The following GRM8 variants were observed in gnomAD, a reference collection of about 807,000 sequenced individuals.
The protein encoded by GRM8 is metabotropic glutamate receptor 8.
In GRM8, 47 loss-of-function variants were observed where a neutral mutation model predicts 87.2. That is an observed-to-expected ratio of 0.54 (90% confidence interval 0.43 to 0.69). The LOEUF (loss-of-function observed/expected upper bound fraction) is 0.69, where lower values mean the gene tolerates loss of function less well. Among genes scored for constraint, GRM8 ranks in the 30% least tolerant of loss-of-function variants. The pLI, the probability that GRM8 is intolerant of heterozygous loss-of-function variation, is 0.00. For missense variants in GRM8, 1,019 were observed against 1,139.2 expected (o/e 0.89, Z 1.52); for synonymous variants, 396 against 404.5 (o/e 0.98, Z 0.25).
chr7:127,207,446 C>T (rs1443393356), intron 2 of GRM8, among the ~76,000 whole-genome samples: 1 of 152,054 alleles, frequency 6.6e-6, no homozygotes, highest in Non-Finnish European at 1.5e-5. Flanking sequence ...GGCAATGAGC[C>T]AAGTACCAAT....
At chr7:126,727,381 T>C (rs1813112142) in intron 7 of GRM8, among the ~76,000 whole-genome samples, 1 of 152,042 alleles carries the variant, frequency 6.6e-6, no homozygotes, top group African/African-American at 2.4e-5. Flanking sequence ...CAGAATAATG[T>C]AAGATTTTTA....
At chr7:126,506,004 C>T (rs1810409200) in intron 9 of GRM8, among the ~76,000 whole-genome samples, 1 of 152,002 alleles carries the variant, frequency 6.6e-6, no homozygotes, top group Non-Finnish European at 1.5e-5. Context: ...CTCTCCTCCT[C>T]CTAGCCCCTG....
chr7:127,200,031 C>A (rs972716991), intron 2 of GRM8, among the ~76,000 whole-genome samples: 6 of 152,014 alleles, frequency 3.9e-5, no homozygotes, highest in African/African-American at 1.5e-4. Context: ...TGGACTAACC[C>A]AAAATTGTTT....
rs140053615 is a variant in GRM8 at position 126,982,507 on chromosome 7, T to C, written c.728-77824A>G. 7.0e-3 allele frequency among the ~76,000 whole-genome samples: 1,064 copies of C among 152,280 alleles called. 4 individuals are homozygous for C. The highest frequency in any genetic ancestry group is 0.01 in the Non-Finnish European group (683 of 68,022). On this transcript the variant is annotated intron_variant, in intron 3 of 10. Coordinates refer to ENST00000339582, the MANE Select transcript of GRM8 (RefSeq NM_000845.3). ...ATAATTACACCTAATATAATACAAC[T>C]ATCCTTTATACAACTAGAAACGCAC...
intron 7 of GRM8, among the ~76,000 whole-genome samples, chr7:126,712,167 T>C (rs1183125462): frequency 1.3e-5 from 2 of 152,166 alleles, no homozygotes; most frequent in Non-Finnish European, 2.9e-5. Flanking sequence ...TTAGAAGTCA[T>C]TGTAGGGTTA....
At chr7:127,240,476 T>C (rs1798229458) in intron 2 of GRM8, among the ~76,000 whole-genome samples, 1 of 150,724 alleles carries the variant, frequency 6.6e-6, no homozygotes, top group Admixed American at 6.6e-5. Context: ...ATGAATACCT[T>C]ATCTCCTCCA....
At chr7:126,648,223 C>T (rs1015221547) in intron 7 of GRM8, among the ~76,000 whole-genome samples, 2 of 152,126 alleles carry the variant, frequency 1.3e-5, no homozygotes, top group African/African-American at 2.4e-5. Flanking sequence ...GTCCTTATTA[C>T]ACTCTCTCAA....
intron 3 of GRM8, among the ~76,000 whole-genome samples, chr7:127,066,847 A>T (rs1014517886): frequency 1.3e-5 from 2 of 152,128 alleles, no homozygotes; most frequent in African/African-American, 2.4e-5. Flanking sequence ...TTCTTCGATT[A>T]GATGAATCAT....
intron 2 of GRM8, among the ~76,000 whole-genome samples, chr7:127,178,303 A>T (rs1465995046): frequency 6.6e-6 from 1 of 152,174 alleles, no homozygotes; most frequent in Admixed American, 6.5e-5. Context: ...AAAAAGACAA[A>T]GAAAAAGAAT....
chr7:126,491,115 C>A (rs1433397103), intron 9 of GRM8, among the ~76,000 whole-genome samples: 1 of 152,022 alleles, frequency 6.6e-6, no homozygotes, highest in Non-Finnish European at 1.5e-5. Context: ...ACCCTATCCA[C>A]CATGATGTCT....
At chr7:127,053,540 G>A (rs775154588) in intron 3 of GRM8, among the ~76,000 whole-genome samples, 17 of 151,942 alleles carry the variant, frequency 1.1e-4, no homozygotes, top group Non-Finnish European at 2.1e-4. Context: ...CTGTAATCCC[G>A]GCACTTTGGG....
At position 127,071,207 on chromosome 7, in the gene GRM8, G is replaced by A. The variant is rs62468877; in HGVS notation, c.727+35289C>T. ...TTTAATGTTCTCTTCATCGTGGCTG[G>A]GGAAAAAAAATACCTAAAAAGCTCT... On this transcript the variant is annotated intron_variant, in intron 3 of 10. Transcript: ENST00000339582. 4.0e-3 allele frequency among the ~76,000 whole-genome samples: 608 copies of A among 151,736 alleles called. 5 individuals are homozygous for A. Among genetic ancestry groups the A allele is most frequent in the Admixed American group, 9.9e-3 (151 of 15,252 alleles).
intron 8 of GRM8, among the ~76,000 whole-genome samples, chr7:126,558,491 T>C (rs1354388270): frequency 1.3e-5 from 2 of 152,144 alleles, no homozygotes; most frequent in Admixed American, 1.3e-4. Context: ...TTCCAGGACC[T>C]TCCAGATGCC....
intron 7 of GRM8, among the ~76,000 whole-genome samples, chr7:126,748,700 G>A (rs1229088107): frequency 8.6e-6 from 1 of 116,008 alleles, no homozygotes; most frequent in Admixed American, 9.9e-5. Flanking sequence ...TTTTTAAAAA[G>A]AAAAACAAAG....
intron 6 of GRM8, among the ~76,000 whole-genome samples, chr7:126,779,161 G>T (rs1461325711): frequency 6.6e-6 from 1 of 151,810 alleles, no homozygotes; most frequent in Non-Finnish European, 1.5e-5. Flanking sequence ...TAATATTTTT[G>T]CAATTAATTC....
At chr7:126,993,952 G>A (rs1407129306) in intron 3 of GRM8, among the ~76,000 whole-genome samples, 1 of 152,160 alleles carries the variant, frequency 6.6e-6, no homozygotes, top group African/African-American at 2.4e-5. Flanking sequence ...ATGCTGTGCT[G>A]GACTTAGAGC....
intron 9 of GRM8, among the ~76,000 whole-genome samples, chr7:126,486,184 T>C (rs1807342885): frequency 6.6e-6 from 1 of 152,052 alleles, no homozygotes; most frequent in Non-Finnish European, 1.5e-5. Context: ...TTTCTCGTGG[T>C]AAGAGACCAC....
intron 7 of GRM8, among the ~76,000 whole-genome samples, chr7:126,706,388 T>G (rs1810523567): frequency 6.6e-6 from 1 of 152,002 alleles, no homozygotes; most frequent in African/African-American, 2.4e-5. Context: ...TAAGTTTGAG[T>G]CTCAGGAAGA....
chr7:126,954,297 G>A (rs915223493), intron 3 of GRM8, among the ~76,000 whole-genome samples: 9 of 152,054 alleles, frequency 5.9e-5, no homozygotes, highest in Non-Finnish European at 8.8e-5. Flanking sequence ...TGCCAGTCAC[G>A]GGGACATGAA....
Sources: allele counts gnomAD v4.1 joint callset (sites outside exome capture counted in the v4.1 genomes callset), GRCh38; gene constraint gnomAD v4.1.1; transcripts MANE v1.5; gene names NCBI Gene and HGNC (gene_info 2026-07-23, HGNC 2026-07-21).